Variants in VIPR1 observed in about 807,000 individuals in gnomAD.
VIPR1 encodes vasoactive intestinal polypeptide receptor 1.
VIPR1 carries 59 observed loss-of-function variants against 58.8 expected under a neutral mutation model. The ratio of observed to expected loss-of-function variants is 1.00; its 90% CI spans 0.81 to 1.25. The LOEUF (loss-of-function observed/expected upper bound fraction) is 1.25. Among genes scored for constraint, VIPR1 ranks in the 50% most tolerant of loss-of-function variants. The pLI is 0.00. For missense variants in VIPR1, 626 were observed against 602.7 expected, an observed-to-expected ratio of 1.04 and a Z score of -0.40; for synonymous variants, 251 against 242.1, an observed-to-expected ratio of 1.04 and a Z score of -0.34.
rs539181590 is a variant in VIPR1 at position 42,520,200 on chromosome 3, C to T, written c.292+870C>T. Reference sequence around the variant, plus strand: ...GTGGAACAAGCATCCAAGGAAGTTCCGTGAAGGCCAGTGTGGCTGGAGCAG... The same window carrying T: ...GTGGAACAAGCATCCAAGGAAGTTCTGTGAAGGCCAGTGTGGCTGGAGCAG... On this transcript the variant is annotated intron_variant, in intron 3 of 12. Coordinates refer to ENST00000325123, the MANE Select transcript of VIPR1 (RefSeq NM_004624.4). 6.6e-5 allele frequency among the ~76,000 whole-genome samples: 10 copies of T among 152,204 alleles called. No homozygotes were observed. In the East Asian group the frequency reaches 1.9e-3, roughly 29 times the overall value.
intron 3 of VIPR1, among the ~76,000 whole-genome samples, chr3:42,520,426 G>A (rs994920137): frequency 2.0e-5 from 3 of 152,170 alleles, no homozygotes; most frequent in African/African-American, 4.8e-5. Flanking sequence ...TTCTAGGAGT[G>A]TAAACAGGAA....
In VIPR1 at chr3:42,532,332, T is replaced by G; in HGVS notation, c.1009T>G (p.Ser337Ala). 6 of 1,614,022 alleles carry G rather than the reference T, an allele frequency of 3.7e-6. No individual in the cohort carries two copies. The highest frequency in any genetic ancestry group is 5.1e-6 in the Non-Finnish European group (6 of 1,179,930). Residue 337 changes from serine (S) to alanine (A), a missense_variant and splice_region_variant, in exon 10 of 13, where the codon TCA becomes GCA. Transcript: ENST00000325123. ...CAGGAAGAGTGACAGCAGTCCATAC[T>G]CGTGAGTGTGGGCCTAGTGCCTCAG... The part of the protein sequence containing the change: ...DIRKSDSSPY[S>A]RLARSTLLLI...
In VIPR1 at chr3:42,513,773, G is replaced by A. The variant is rs1439488919; in HGVS notation, c.103G>A (p.Glu35Lys). ...PAGGQAARLQEECDYVQMIEV... is the reference protein window; with the variant it reads ...PAGGQAARLQKECDYVQMIEV... ...GGGCGGCCAGGCGGCCAGGCTGCAGGAGGAGTGTGACTATGTGCAGATGAT... is the reference window on the plus strand; with the variant it reads ...GGGCGGCCAGGCGGCCAGGCTGCAGAAGGAGTGTGACTATGTGCAGATGAT... The change falls in exon 2 of 13, where the codon GAG (glutamate) becomes AAG (lysine). Residue 35 changes from glutamate to lysine, a missense_variant. Glu to Lys is a moderately conservative substitution (Grantham distance 56, BLOSUM62 1). Coordinates refer to ENST00000325123, the MANE Select transcript of VIPR1 (RefSeq NM_004624.4). 6.4e-7 allele frequency: 1 copy of A among 1,551,428 alleles called. No homozygotes were observed.
chr3:42,535,104 G>T lies in VIPR1; in HGVS notation c.1140G>T (p.Gln380His). ...TTGAGCTCGTCGTGGGGTCTTTCCA[G>T]GTATGGGCTGTTGACTTAAGGCTGC... is the stretch of plus-strand genomic sequence containing the variant. Reference protein sequence around the residue: ...MVFELVVGSFQGFVVAILYCF... With the variant: ...MVFELVVGSFHGFVVAILYCF... The change falls in exon 11 of 13, where the codon CAG becomes CAT. Residue 380 changes from glutamine to histidine, a missense_variant and splice_region_variant. Gln to His is a conservative substitution (Grantham distance 24). Transcript: ENST00000325123. The T allele has an allele frequency of 6.2e-7, 1 of 1,614,216 alleles. No individual in the cohort carries two copies. Among genetic ancestry groups the T allele is most frequent in the African/African-American group, 1.3e-5 (1 of 75,064 alleles).
At chr3:42,534,785 G>A in intron 10 of VIPR1, 190 bp from the exon 11 acceptor site, 1 of 676,528 alleles carries the variant, frequency 1.5e-6, no homozygotes. Context: ...GGGGGCAGAA[G>A]GGCAGAGGCA....
In VIPR1 at chr3:42,526,479, G is replaced by A. The variant is rs183829868; in HGVS notation, c.399+486G>A. On this transcript the variant is annotated intron_variant, in intron 4 of 12. Transcript: ENST00000325123. ...AAAACATGGTCTCTGTAAAGACTGG[G>A]GAGCCTGGTAAGGACATTGATGGGG... is the stretch of plus-strand genomic sequence containing the variant. Among the ~76,000 whole-genome samples the A allele has an allele frequency of 3.7e-4, 56 of 152,354 alleles. 4 individuals carry two copies. The East Asian group carries it at 6.4e-3, about 17-fold the overall frequency.
intron 3 of VIPR1, among the ~76,000 whole-genome samples, chr3:42,522,101 ATTT>A (rs1158302778): frequency 0.015 from 510 of 35,038 alleles, no homozygotes; most frequent in Middle Eastern, 0.079. Flanking sequence ...ATATATATAT[ATTT>A]TTTTTTTTTT....
intron 2 of VIPR1, among the ~76,000 whole-genome samples, chr3:42,518,872 A>G (rs552555127): frequency 6.6e-6 from 1 of 152,338 alleles, no homozygotes; most frequent in African/African-American, 2.4e-5. Flanking sequence ...ACAATTCATC[A>G]TTGTGCAGGA....
At chr3:42,535,993 T>C in intron 12 of VIPR1, 97 bp from the exon 13 acceptor site, 1 of 1,376,152 alleles carries the variant, frequency 7.3e-7, no homozygotes. Flanking sequence ...CTAAAGAGAA[T>C]AAGACTGGCT....
Position 42,513,838 on chromosome 3 carries a change from G to A in VIPR1, c.168G>A (p.Leu56=). 6.4e-7 allele frequency: 1 copy of A among 1,551,616 alleles called. No individual in the cohort carries two copies. The highest frequency in any genetic ancestry group is 8.7e-7 in the Non-Finnish European group (1 of 1,146,942). Residue 56 remains leucine (L), a synonymous_variant, in exon 2 of 13, where the codon CTG becomes CTA. Transcript: ENST00000325123. The part of the protein sequence containing the change: ...QHKQCLEEAQ[L]ENETIGCSKM... ...AGCAGTGCCTGGAGGAGGCCCAGCT[G>A]GAGAATGAGACAATAGGTGAGGCCC...
chr3:42,505,379 A>G (rs939846865), intron 1 of VIPR1, among the ~76,000 whole-genome samples: 1 of 152,158 alleles, frequency 6.6e-6, no homozygotes, highest in African/African-American at 2.4e-5. Context: ...CTTCTCCCCA[A>G]CTCTGAGGTT....
chr3:42,529,272 A>C (rs1701398784), intron 6 of VIPR1: 1 of 152,136 alleles, frequency 6.6e-6, no homozygotes, highest in Non-Finnish European at 1.5e-5. Context: ...CCTGACCAAC[A>C]TGGTGAAACC....
chr3:42,524,531 C>T (rs1701127118), intron 3 of VIPR1, among the ~76,000 whole-genome samples: 1 of 152,222 alleles, frequency 6.6e-6, no homozygotes, highest in South Asian at 2.1e-4. Context: ...CATCCCCACC[C>T]CTAGCTGTCC....
intron 3 of VIPR1, among the ~76,000 whole-genome samples, chr3:42,522,100 TA>T (rs1472312054): frequency 1.5e-3 from 53 of 36,332 alleles, no homozygotes; most frequent in South Asian, 4.1e-3. Flanking sequence ...TATATATATA[TA>T]TTTTTTTTTT....
chr3:42,532,088 C>A, intron 9 of VIPR1, 154 bp from the exon 10 acceptor site: 1 of 924,356 alleles, frequency 1.1e-6, no homozygotes, highest in Non-Finnish European at 1.7e-6. Flanking sequence ...GTAGAGTTCC[C>A]GGATGACCTG....
intron 1 of VIPR1, among the ~76,000 whole-genome samples, 162 bp downstream of exon 1, chr3:42,502,975 G>T (rs1159895261): frequency 6.6e-6 from 1 of 152,188 alleles, no homozygotes; most frequent in Non-Finnish European, 1.5e-5. Context: ...GCTCCAGACC[G>T]AACCTAGACG....
At chr3:42,528,624 T>A (rs1701365617) in intron 6 of VIPR1, 1 of 155,992 alleles carries the variant, frequency 6.4e-6, no homozygotes, top group African/African-American at 2.4e-5. Flanking sequence ...TCCTCTTTTG[T>A]TCTGATCCTG....
chr3:42,502,594 C>T, upstream of VIPR1: 1 of 612,968 alleles, frequency 1.6e-6, no homozygotes, highest in East Asian at 3.9e-5. Flanking sequence ...GGGGCCCGCC[C>T]CCAGCCCTGA....
intron 4 of VIPR1, among the ~76,000 whole-genome samples, chr3:42,526,390 G>C (rs1412429966): frequency 6.6e-6 from 1 of 152,220 alleles, no homozygotes; most frequent in African/African-American, 2.4e-5. Context: ...CAAATAGCCA[G>C]TCAGGAACAG....
Sources: gnomAD v4.1 joint callset for allele counts (sites outside exome capture counted in the v4.1 genomes callset) on GRCh38, gnomAD v4.1.1 for gene constraint, MANE v1.5 for transcripts, NCBI Gene and HGNC (gene_info 2026-07-23, HGNC 2026-07-21) for gene names.